BICD1: variants seen among roughly 807,000 people sequenced by gnomAD.
The protein encoded by BICD1 is BICD cargo adaptor 1.
In BICD1, 35 loss-of-function variants were observed where a neutral mutation model predicts 92.5. The ratio of observed to expected loss-of-function variants is 0.38; its 90% CI spans 0.29 to 0.50. BICD1 has a LOEUF of 0.50. Among genes scored for constraint, BICD1 ranks in the 20% least tolerant of loss-of-function variants. The pLI is 0.93. For missense variants in BICD1, 950 were observed against 1,189.8 expected, an observed-to-expected ratio of 0.80 and a Z score of 2.97; for synonymous variants, 429 against 465.1, an observed-to-expected ratio of 0.92 and a Z score of 1.00.
rs201356744 is a variant in BICD1, at chr12:32,327,562, C to A, written c.1107C>A (p.His369Gln). Residue 369 changes from histidine (H) to glutamine (Q), a missense_variant, in exon 5 of 10, where the codon CAC becomes CAA. His to Gln is a conservative substitution (Grantham distance 24). This residue lies in a region of BICD1 where 246 missense variants were observed against 258.4 expected (regional missense o/e 0.95). Transcript: ENST00000652176. ...GALTEQHERV[H>Q]RLTEHVNAMR... ...TGACGGAGCAGCATGAGCGGGTGCACCGGCTCACAGAGCACGTCAATGCCA... is the reference window on the plus strand; with the variant it reads ...TGACGGAGCAGCATGAGCGGGTGCAACGGCTCACAGAGCACGTCAATGCCA... The A allele has an allele frequency of 2.3e-5, 37 of 1,614,026 alleles. No homozygotes were observed. The Admixed American group carries it at 3.2e-4, about 14-fold the overall frequency.
intron 1 of BICD1, among the ~76,000 whole-genome samples, chr12:32,124,798 G>A (rs1592336587): frequency 1.3e-5 from 2 of 152,250 alleles, no homozygotes. Flanking sequence ...TGTTGTTGCA[G>A]TAGGGAGGTA....
At chr12:32,334,019 CATATT>C (rs1037529609) in intron 5 of BICD1, among the ~76,000 whole-genome samples, 16 of 152,114 alleles carry the variant, frequency 1.1e-4, no homozygotes, top group Admixed American at 5.9e-4. Flanking sequence ...ATCATATACT[CATATT>C]ATAAATTACA....
chr12:32,196,734 G>A (rs1485047423), intron 1 of BICD1, among the ~76,000 whole-genome samples: 2 of 152,228 alleles, frequency 1.3e-5, no homozygotes, highest in East Asian at 3.9e-4. Context: ...ACGATACTGT[G>A]TTTACTTGAA....
At chr12:32,243,353 G>C (rs927984745) in intron 2 of BICD1, among the ~76,000 whole-genome samples, 13 of 147,100 alleles carry the variant, frequency 8.8e-5, no homozygotes, top group Admixed American at 2.1e-4. Flanking sequence ...AGCTCAAGCG[G>C]TCTGCCTGCT....
intron 1 of BICD1, chr12:32,108,104 A>C (rs1372607614): frequency 4.2e-6 from 1 of 238,084 alleles, no homozygotes; most frequent in East Asian, 9.9e-5. Flanking sequence ...GCTGCAGAAG[A>C]AAAACAACTT....
At chr12:32,296,256 G>GTTTTTTTTT (rs373796519) in intron 3 of BICD1, among the ~76,000 whole-genome samples, 1 of 90,194 alleles carries the variant, frequency 1.1e-5, no homozygotes, top group African/African-American at 3.8e-5. Context: ...GTTTTTTTTT[G>GTTTTTTTTT]TTTTTTTTTT....
Position 32,367,693 on chromosome 12 carries a change from G to T in BICD1, c.2788G>T (p.Val930Leu). 6.2e-7 allele frequency: 1 copy of T among 1,613,974 alleles called. No homozygotes were observed. The highest frequency in any genetic ancestry group is 8.5e-7 in the Non-Finnish European group (1 of 1,180,006). ...PPDCQQPAAS[V>L]PPQCSQLAGR... is the part of the protein sequence containing the mutation. ...AGATTGTCAGCAGCCTGCTGCCTCC[G>T]TACCGCCACAGTGCTCACAACTAGC... is the stretch of plus-strand genomic sequence containing the variant. Residue 930 changes from valine to leucine, a missense_variant, in exon 9 of 10, where the codon GTA becomes TTA. Physicochemically the swap from Val to Leu is conservative, Grantham distance 32 (BLOSUM62 1). Coordinates refer to ENST00000652176, the MANE Select transcript of BICD1 (RefSeq NM_001714.4).
Position 32,305,940 on chromosome 12 carries a change from G to C in BICD1, c.823G>C (p.Asp275His), listed in dbSNP as rs1365374302. Residue 275 changes from aspartate to histidine, a missense_variant, in exon 4 of 10, where the codon GAT (aspartate) becomes CAT (histidine). By Grantham distance (81) the Asp-to-His change is moderately conservative. Transcript: ENST00000652176. Reference sequence around the variant, plus strand: ...AGTAGATGGACTCAAATTTGCCGAGGATGGGAGTGAACCAAACAATGATGA... The same window carrying C: ...AGTAGATGGACTCAAATTTGCCGAGCATGGGAGTGAACCAAACAATGATGA... Reference protein sequence around the residue: ...ISVDGLKFAEDGSEPNNDDKM... With the variant: ...ISVDGLKFAEHGSEPNNDDKM... 2 of 1,614,080 alleles carry C rather than the reference G, an allele frequency of 1.2e-6. No individual in the cohort carries two copies.
At chr12:32,179,675 A>ATTAGAC (rs1489105129) in intron 1 of BICD1, among the ~76,000 whole-genome samples, 2 of 151,994 alleles carry the variant, frequency 1.3e-5, no homozygotes, top group Non-Finnish European at 1.5e-5. Flanking sequence ...ACAATTGTGT[A>ATTAGAC]TTAGACTGAA....
intron 6 of BICD1, among the ~76,000 whole-genome samples, chr12:32,335,713 G>A (rs1439441464): frequency 6.6e-6 from 1 of 151,338 alleles, no homozygotes; most frequent in East Asian, 2.0e-4. Context: ...AGCCTCCCGA[G>A]TACCTAGGAC....
chr12:32,168,798 T>C (rs1943849000), intron 1 of BICD1, among the ~76,000 whole-genome samples: 1 of 152,058 alleles, frequency 6.6e-6, no homozygotes, highest in Non-Finnish European at 1.5e-5. Flanking sequence ...GGTGAAACCC[T>C]GATAATACAA....
intron 1 of BICD1, among the ~76,000 whole-genome samples, chr12:32,143,362 A>T (rs573969474): frequency 6.6e-6 from 1 of 152,278 alleles, no homozygotes; most frequent in East Asian, 1.9e-4. Flanking sequence ...TTATAGTTTT[A>T]TCACACATAA....
At chr12:32,154,188 T>C (rs573420583) in intron 1 of BICD1, among the ~76,000 whole-genome samples, 76 of 152,328 alleles carry the variant, frequency 5.0e-4, no homozygotes, top group Non-Finnish European at 1.0e-3. Flanking sequence ...GTTAATATTA[T>C]GATTTTTCCA....
At chr12:32,332,663 A>C in intron 5 of BICD1, 1 of 281,872 alleles carries the variant, frequency 3.5e-6, no homozygotes, top group Non-Finnish European at 5.3e-6. Context: ...AGAGGAAGCA[A>C]CTAAGGTTTC....
intron 4 of BICD1, among the ~76,000 whole-genome samples, chr12:32,326,645 G>C (rs1948783266): frequency 1.3e-5 from 2 of 152,272 alleles, no homozygotes; most frequent in African/African-American, 2.4e-5. Context: ...AGTACTTTGG[G>C]AGGCAGAGGC....
chr12:32,185,131 C>A (rs1944394228), intron 1 of BICD1, among the ~76,000 whole-genome samples: 1 of 152,156 alleles, frequency 6.6e-6, no homozygotes, highest in Admixed American at 6.5e-5. Context: ...ACTGGTAGAG[C>A]CCCTTTCACA....
intron 1 of BICD1, among the ~76,000 whole-genome samples, chr12:32,157,203 T>A (rs1261212736): frequency 6.6e-6 from 1 of 150,498 alleles, no homozygotes; most frequent in Non-Finnish European, 1.5e-5. Flanking sequence ...TTGTCTATTA[T>A]AATTAAGTCC....
rs1446535220 is a variant in BICD1, at chr12:32,381,611, C to T, written c.*3984C>T. The T allele has an allele frequency of 6.6e-6, 1 of 152,030 alleles. No individual in the cohort carries two copies. The highest frequency in any genetic ancestry group is 6.6e-5 in the Admixed American group (1 of 15,248). The allele number at this position is 152,030 out of a possible 1,614,324, so 9.4% of individuals were successfully genotyped here. A position where few individuals can be genotyped will look rare whatever the true frequency, so the allele number is the denominator to read the frequency against. On this transcript the variant is annotated 3_prime_UTR_variant, in exon 10 of 10. Coordinates refer to ENST00000652176, the MANE Select transcript of BICD1 (RefSeq NM_001714.4). ...ATATCTTTTCTTCTGGGATGAGTGT[C>T]AATTTTAATGTATAATTGTCATAAT...
intron 2 of BICD1, among the ~76,000 whole-genome samples, chr12:32,274,392 G>C (rs1592594948): frequency 6.6e-6 from 1 of 152,096 alleles, no homozygotes; most frequent in African/African-American, 2.4e-5. Flanking sequence ...TTGATAGTCA[G>C]GGTCACAGAT....
Sources: gnomAD v4.1 joint callset for allele counts (sites outside exome capture counted in the v4.1 genomes callset) on GRCh38, gnomAD v4.1.1 for gene constraint, gnomAD v4.1.1 regional missense constraint, MANE v1.5 for transcripts, NCBI Gene and HGNC (gene_info 2026-07-23, HGNC 2026-07-21) for gene names.